FLNB: variants seen among roughly 807,000 people sequenced by gnomAD.
The protein encoded by FLNB is filamin-B.
FLNB carries 111 observed loss-of-function variants against 250.6 expected under a neutral mutation model. That is an observed-to-expected ratio of 0.44 (90% CI 0.38 to 0.52). The LOEUF (loss-of-function observed/expected upper bound fraction) is 0.52, where lower values mean the gene tolerates loss of function less well. FLNB is among the 20% of genes least tolerant of loss of function. The pLI is 0.00. For missense variants in FLNB, 2,869 were observed against 3,447.8 expected (o/e 0.83, Z 4.20); for synonymous variants, 1,302 against 1,372.1 (o/e 0.95, Z 1.13).
chr3:58,122,255 G>A (rs1280934322), intron 20 of FLNB, among the ~76,000 whole-genome samples: 1 of 151,938 alleles, frequency 6.6e-6, no homozygotes, highest in African/African-American at 2.4e-5. Context: ...CACTTTGGGA[G>A]GCCAAGGTGG....
intron 18 of FLNB, among the ~76,000 whole-genome samples, chr3:58,112,846 G>A (rs569518568): frequency 2.0e-5 from 3 of 152,112 alleles, no homozygotes; most frequent in African/African-American, 7.2e-5. Context: ...TCAGCCTTTC[G>A]TCCCTAAGGC....
rs1171991497 is a variant in FLNB at position 58,161,921 on chromosome 3, CCT to C, written c.7022-1229_7022-1228del. Among the ~76,000 whole-genome samples the C allele has an allele frequency of 7.9e-5, 12 of 152,292 alleles. No individual in the cohort carries two copies. In the Middle Eastern group the frequency reaches 0.014, roughly 173 times the overall value. ...GAAGTCTCCAGCACGTCTGCCTTCC[CCT>C]CTCACTGACCTGGACACATGCCCAC... On this transcript the variant is annotated intron_variant, in intron 42 of 45. Coordinates refer to ENST00000295956, the MANE Select transcript of FLNB (RefSeq NM_001457.4).
At position 58,029,367 on chromosome 3, in the gene FLNB, C is replaced by T. The variant is rs75115040; in HGVS notation, c.292+20511C>T. ...CTCTAAAAAGCCTCATACTGCTAAT[C>T]TCTGGGAATGAATGGTGTTCTTTGG... On this transcript the variant is annotated intron_variant, in intron 1 of 45. Transcript: ENST00000295956. Among the ~76,000 whole-genome samples the T allele has an allele frequency of 5.7e-3, 871 of 152,206 alleles. 8 individuals are homozygous for T. Among genetic ancestry groups the T allele is most frequent in the African/African-American group, 0.02 (821 of 41,518 alleles).
At chr3:58,146,264 T>C (rs1470098647) in intron 33 of FLNB, among the ~76,000 whole-genome samples, 1 of 152,248 alleles carries the variant, frequency 6.6e-6, no homozygotes, top group Non-Finnish European at 1.5e-5. Flanking sequence ...GAAATCAGAT[T>C]CATGCTATGA....
intron 1 of FLNB, among the ~76,000 whole-genome samples, chr3:58,013,748 C>G (rs2097102150): frequency 6.6e-6 from 1 of 152,192 alleles, no homozygotes; most frequent in Admixed American, 6.5e-5. Flanking sequence ...AGCTTGAATC[C>G]AAGGGCAGAG....
chr3:58,147,121 TGAG>T (rs1575458018), intron 34 of FLNB, 128 bp downstream of exon 34: 2 of 916,740 alleles, frequency 2.2e-6, no homozygotes, highest in East Asian at 5.2e-5. Flanking sequence ...AGAGACTTGT[TGAG>T]GAGGAGCAGG....
In FLNB at chr3:58,150,224, C is replaced by G. The variant is rs1210990029; in HGVS notation, c.6364C>G (p.Pro2122Ala). The change falls in exon 38 of 46, where the codon CCA (proline) becomes GCA (alanine). Residue 2122 changes from proline to alanine, a missense_variant. Pro to Ala is a conservative substitution (Grantham distance 27). Transcript: ENST00000295956. The part of the protein sequence containing the change: ...GSICDLNLKI[P>A]EINSSDMSAH... ...CATTTGTGACCTGAACCTGAAAATC[C>G]CAGGTGGGCGTCGGGGACTAGTAGG... The G allele has an allele frequency of 6.2e-7, 1 of 1,614,170 alleles. No individual in the cohort carries two copies. Among genetic ancestry groups the G allele is most frequent in the Non-Finnish European group, 8.5e-7 (1 of 1,180,026 alleles).
intron 4 of FLNB, among the ~76,000 whole-genome samples, chr3:58,083,910 T>G (rs900930410): frequency 1.3e-4 from 20 of 152,108 alleles, no homozygotes; most frequent in African/African-American, 4.8e-4. Flanking sequence ...AAGTGCTTTC[T>G]TTGGCCGGGC....
chr3:58,037,787 A>G (rs1176871499), intron 1 of FLNB, among the ~76,000 whole-genome samples: 1 of 152,066 alleles, frequency 6.6e-6, no homozygotes, highest in African/African-American at 2.4e-5. Context: ...TTTTCTTCAT[A>G]TCTACTCATC....
At chr3:58,150,522 G>C in intron 38 of FLNB, 1 of 444,282 alleles carries the variant, frequency 2.3e-6, no homozygotes, top group South Asian at 2.2e-5. Flanking sequence ...TTAACTATCT[G>C]TCAAATAGAA....
At chr3:58,124,242 G>T in intron 21 of FLNB, 90 bp from the exon 22 acceptor site, 1 of 1,321,860 alleles carries the variant, frequency 7.6e-7, no homozygotes. Context: ...TGGACTTCAT[G>T]TGTCCTGAAG....
chr3:58,011,269 G>T (rs1023522271), intron 1 of FLNB, among the ~76,000 whole-genome samples: 1 of 152,082 alleles, frequency 6.6e-6, no homozygotes, highest in Non-Finnish European at 1.5e-5. Context: ...TTGTCCCGAC[G>T]TTCCAGGGTT....
At position 58,126,653 on chromosome 3, in the gene FLNB, G is replaced by A. The variant is rs199540577; in HGVS notation, c.4113G>A (p.Ser1371=). 22 of 1,613,954 alleles carry A rather than the reference G, an allele frequency of 1.4e-5. 1 individual carries two copies. Among genetic ancestry groups the A allele is most frequent in the African/African-American group, 5.3e-5 (4 of 75,020 alleles). ...LGITVEGPSE[S]KINCRDNKDG... ...TAACTGTTGAGGGACCATCAGAGTCGAAGATAAATTGCAGAGACAACAAGG... is the reference window on the plus strand; with the variant it reads ...TAACTGTTGAGGGACCATCAGAGTCAAAGATAAATTGCAGAGACAACAAGG... Residue 1371 remains serine, a synonymous_variant, in exon 24 of 46, where the codon TCG becomes TCA. Transcript: ENST00000295956.
chr3:58,146,098 G>C lies in FLNB; in HGVS notation c.5554+49G>C, dbSNP rs747322213. Reference sequence around the variant, plus strand: ...TACGCCTCCAGCTGTCCATTTGGAGGGTGAAGTGGACACGGTTCCAGGGTG... The same window carrying C: ...TACGCCTCCAGCTGTCCATTTGGAGCGTGAAGTGGACACGGTTCCAGGGTG... On this transcript the variant is annotated intron_variant, in intron 33 of 45. Coordinates refer to ENST00000295956, the MANE Select transcript of FLNB (RefSeq NM_001457.4). 4 of 1,608,388 alleles carry C rather than the reference G, an allele frequency of 2.5e-6. No homozygotes were observed. In the Admixed American group the frequency reaches 5.0e-5, roughly 20 times the overall value.
Position 58,150,168 on chromosome 3 carries a change from G to T in FLNB, c.6308G>T (p.Ser2103Ile). The change falls in exon 38 of 46, where the codon AGT becomes ATT. Residue 2103 changes from serine to isoleucine, a missense_variant. Physicochemically the swap from Ser to Ile is moderately radical, Grantham distance 142 (BLOSUM62 -2). Around this residue, in one of 5 missense-constraint regions of FLNB, gnomAD observed 1,084 missense variants for 1,315.5 expected, o/e 0.82. Transcript: ENST00000295956. ...GRVKESITRT[S>I]RAPSVATVGS... The stretch of plus-strand genomic sequence containing the variant: ...GTCAAAGAGAGCATCACCCGCACCA[G>T]TCGGGCCCCGTCCGTGGCCACTGTC... 1 of 1,614,238 alleles carries T rather than the reference G, an allele frequency of 6.2e-7. No individual in the cohort carries two copies. The highest frequency in any genetic ancestry group is 8.5e-7 in the Non-Finnish European group (1 of 1,180,046).
intron 43 of FLNB, chr3:58,163,661 T>A: frequency 2.8e-6 from 1 of 354,062 alleles, no homozygotes; most frequent in South Asian, 2.7e-5. Flanking sequence ...ATTTTGAGGG[T>A]TTCTTTGCCT....
chr3:58,009,151 T>C (rs1408959715), intron 1 of FLNB, among the ~76,000 whole-genome samples: 1 of 152,184 alleles, frequency 6.6e-6, no homozygotes, highest in Non-Finnish European at 1.5e-5. Context: ...TGCATTTCTC[T>C]ACACCTGGGG....
chr3:58,150,042 T>C (rs1160191889), intron 37 of FLNB, 40 bp downstream of exon 37: 1 of 1,614,240 alleles, frequency 6.2e-7, no homozygotes, highest in Non-Finnish European at 8.5e-7. Context: ...GATGCTTGGG[T>C]TTTCTGTAAA....
intron 26 of FLNB, among the ~76,000 whole-genome samples, chr3:58,133,221 C>T (rs1326467321): frequency 6.6e-6 from 1 of 152,156 alleles, no homozygotes; most frequent in East Asian, 1.9e-4. Context: ...ACACACTAGC[C>T]TTGATATTTG....
Sources: gnomAD v4.1 joint callset for allele counts (sites outside exome capture counted in the v4.1 genomes callset) on GRCh38, gnomAD v4.1.1 for gene constraint, gnomAD v4.1.1 regional missense constraint, MANE v1.5 for transcripts, NCBI Gene and HGNC (gene_info 2026-07-23, HGNC 2026-07-21) for gene names.